The following FXN variants were observed in gnomAD, a reference collection of about 807,000 sequenced individuals.
The protein encoded by FXN is frataxin.
Under a neutral mutation model 22.4 loss-of-function variants are expected in FXN, and 14 were observed. The observed-to-expected ratio is 0.62, with a 90% CI of 0.41 to 0.98. FXN has a LOEUF of 0.98. FXN is among the 50% of genes least tolerant of loss of function. The pLI is 0.00. For missense variants in FXN, 267 were observed against 268.4 expected (o/e 0.99, Z 0.04); for synonymous variants, 120 against 114.1 (o/e 1.05, Z -0.33).
intron 3 of FXN, among the ~76,000 whole-genome samples, chr9:69,053,511 A>ATGGATGGATG (rs34724950): frequency 0.02 from 2,714 of 133,946 alleles, 35 homozygotes; most frequent in Middle Eastern, 0.032. Flanking sequence ...ATGGATGGAT[A>ATGGATGGATG]GATAGATAGA....
intron 1 of FXN, among the ~76,000 whole-genome samples, chr9:69,040,509 A>C (rs1831637877): frequency 6.6e-6 from 1 of 152,070 alleles, no homozygotes; most frequent in Non-Finnish European, 1.5e-5. Flanking sequence ...TCTACTAAAA[A>C]TACAAAAAAT....
In FXN at chr9:69,076,635, A is replaced by G; in HGVS notation, c.*3873A>G. On this transcript the variant is annotated 3_prime_UTR_variant, in exon 5 of 5. Transcript: ENST00000484259. ...TCTGACAGATGCTTTTGCCACCTCT[A>G]AAGGAAGACCCATGTTCATAGTGAT... The G allele has an allele frequency of 1.0e-6, 1 of 985,464 alleles. No individual in the cohort carries two copies. The highest frequency in any genetic ancestry group is 4.7e-5 in the South Asian group (1 of 21,294). The allele number at this position is 985,464 out of a possible 1,614,324, so 61.0% of individuals were successfully genotyped here. A position where few individuals can be genotyped will look rare whatever the true frequency, so the allele number is the denominator to read the frequency against.
At chr9:69,067,804 G>T (rs887400419) in intron 4 of FXN, among the ~76,000 whole-genome samples, 11 of 152,146 alleles carry the variant, frequency 7.2e-5, no homozygotes, top group Non-Finnish European at 1.2e-4. Context: ...TTCTGCTTCT[G>T]GTTTCAGAGG....
chr9:69,047,350 GACACACACAC>G (rs148756619), intron 2 of FXN, among the ~76,000 whole-genome samples: 13 of 144,174 alleles, frequency 9.0e-5, no homozygotes, highest in South Asian at 8.8e-4. Context: ...CACACACACA[GACACACACAC>G]ACACACACAC....
Position 69,064,930 on chromosome 9 carries a change from T to A in FXN, c.385-8T>A. The A allele has an allele frequency of 1.3e-6, 2 of 1,565,960 alleles. No homozygotes were observed. The highest frequency in any genetic ancestry group is 1.8e-6 in the Non-Finnish European group (2 of 1,136,022). On this transcript the variant is annotated splice_region_variant and splice_polypyrimidine_tract_variant and intron_variant, in intron 3 of 4. Coordinates refer to ENST00000484259, the MANE Select transcript of FXN (RefSeq NM_000144.5). ...TTCTTTATGCTTTTTTTCCACCTAA[T>A]CCCCTAGAGTGGTGTCTTAACTGTC... is the stretch of plus-strand genomic sequence containing the variant.
intron 1 of FXN, among the ~76,000 whole-genome samples, chr9:69,042,769 T>C (rs777329360): frequency 1.3e-5 from 2 of 152,126 alleles, no homozygotes; most frequent in African/African-American, 2.4e-5. Context: ...GGGGCCAGGA[T>C]CCTGGAGAGA....
chr9:69,076,707 T>A lies in FXN; in HGVS notation c.*3945T>A. Reference sequence around the variant, plus strand: ...TGCAAGGTTGCCAAGGAAAAATCGCTTTACGCTTCCAAGGTACACACTAAG... The same window carrying A: ...TGCAAGGTTGCCAAGGAAAAATCGCATTACGCTTCCAAGGTACACACTAAG... On this transcript the variant is annotated 3_prime_UTR_variant, in exon 5 of 5. Coordinates refer to ENST00000484259, the MANE Select transcript of FXN (RefSeq NM_000144.5). The A allele has an allele frequency of 1.0e-6, 1 of 985,458 alleles. No homozygotes were observed. The highest frequency in any genetic ancestry group is 1.2e-6 in the Non-Finnish European group (1 of 829,958). The allele number at this position is 985,458 out of a possible 1,614,324, so 61.0% of individuals were successfully genotyped here. A position where few individuals can be genotyped will look rare whatever the true frequency, so the allele number is the denominator to read the frequency against.
At chr9:69,058,886 G>A (rs1832012586) in intron 3 of FXN, among the ~76,000 whole-genome samples, 1 of 152,078 alleles carries the variant, frequency 6.6e-6, no homozygotes, top group Non-Finnish European at 1.5e-5. Flanking sequence ...GGCTAACACG[G>A]TGAAACCCTG....
Position 69,075,533 on chromosome 9 carries a change from C to G in FXN, c.*2771C>G. On this transcript the variant is annotated 3_prime_UTR_variant, in exon 5 of 5. Coordinates refer to ENST00000484259, the MANE Select transcript of FXN (RefSeq NM_000144.5). ...CCAGGGGAAGAATCAAAATCATATTCTGTCAAGCAAACTGGAAAAGTACCA... is the reference window on the plus strand; with the variant it reads ...CCAGGGGAAGAATCAAAATCATATTGTGTCAAGCAAACTGGAAAAGTACCA... 1.0e-6 allele frequency: 1 copy of G among 985,080 alleles called. No individual in the cohort carries two copies. The highest frequency in any genetic ancestry group is 1.2e-6 in the Non-Finnish European group (1 of 829,738). The allele number at this position is 985,080 out of a possible 1,614,324, so 61.0% of individuals were successfully genotyped here.
At chr9:69,057,927 G>A (rs1443161296) in intron 3 of FXN, among the ~76,000 whole-genome samples, 3 of 152,178 alleles carry the variant, frequency 2.0e-5, no homozygotes, top group African/African-American at 7.2e-5. Flanking sequence ...CAGGGACACT[G>A]TCCATTCTTT....
chr9:69,069,356 C>T (rs1043160198), intron 4 of FXN, among the ~76,000 whole-genome samples: 1 of 151,900 alleles, frequency 6.6e-6, no homozygotes, highest in African/African-American at 2.4e-5. Flanking sequence ...CAGAGTGAGA[C>T]TGTCTCAAAA....
intron 3 of FXN, among the ~76,000 whole-genome samples, chr9:69,053,507 G>GGATGGATGGATGGATGGATGGATGGATA (rs1191286626): frequency 2.0e-5 from 3 of 150,664 alleles, no homozygotes; most frequent in African/African-American, 7.4e-5. Flanking sequence ...ATGGATGGAT[G>GGATGGATGGATGGATGGATGGATGGATA]GATAGATAGA....
At chr9:69,052,838 G>A (rs1420637295) in intron 2 of FXN, among the ~76,000 whole-genome samples, 8 of 151,612 alleles carry the variant, frequency 5.3e-5, no homozygotes, top group Non-Finnish European at 1.2e-4. Flanking sequence ...TACCACGCCC[G>A]GCCTTTAAAT....
chr9:69,055,264 C>T lies in FXN; in HGVS notation c.384+2004C>T, dbSNP rs567533926. 1.2e-4 allele frequency among the ~76,000 whole-genome samples: 19 copies of T among 152,252 alleles called. No individual in the cohort carries two copies. The South Asian group carries it at 3.9e-3, about 32-fold the overall frequency. ...TGATCAGAGGTGGGGGAGTTAAGGG[C>T]CTTCTCTCCCCTAGCCTCTACTAGA... On this transcript the variant is annotated intron_variant, in intron 3 of 4. Transcript: ENST00000484259.
chr9:69,043,227 G>A (rs1220553155), intron 1 of FXN, among the ~76,000 whole-genome samples: 4 of 152,294 alleles, frequency 2.6e-5, no homozygotes, highest in Non-Finnish European at 2.9e-5. Context: ...CCTTTTCACA[G>A]TCTGATTAGT....
intron 3 of FXN, among the ~76,000 whole-genome samples, chr9:69,053,495 GGATGGATGGATGGATA>G (rs1219857839): frequency 1.7e-4 from 25 of 150,678 alleles, no homozygotes; most frequent in African/African-American, 5.6e-4. Context: ...ATGGATGGAT[GGATGGATGGATGGATA>G]GATAGATAGA....
chr9:69,059,338 G>GC (rs1220354960), intron 3 of FXN, among the ~76,000 whole-genome samples: 1 of 141,262 alleles, frequency 7.1e-6, no homozygotes, highest in Non-Finnish European at 1.5e-5. Context: ...AGTGTCTGCA[G>GC]CCCCCTGAGA....
At position 69,074,200 on chromosome 9, in the gene FXN, T is replaced by TAAA. The variant is rs3066311; in HGVS notation, c.*1439_*1440insAAA. 0.47 allele frequency: 416,605 copies of TAAA among 888,766 alleles called. 99,485 individuals are homozygous for TAAA. The highest frequency in any genetic ancestry group is 0.65 in the East Asian group (5,363 of 8,294). 55.1% of individuals were successfully genotyped at this position (888,766 alleles called of 1,614,324 possible). A position where few individuals can be genotyped will look rare whatever the true frequency, so the allele number is the denominator to read the frequency against. ...CTCTGTCTCAAAATAATAATAACAA[T>TAAA]ATAATAATAATAATAGCCATCCTTT... is the stretch of plus-strand genomic sequence containing the variant. On this transcript the variant is annotated 3_prime_UTR_variant, in exon 5 of 5. Transcript: ENST00000484259.
rs11310316 is a variant in FXN at position 69,076,217 on chromosome 9, G to GT, written c.*3469dup. ...TTGTAGACACTGACAGTGGCCTCAT[G>GT]TTTTTTTTTTTTTTAATCTATAAAA... On this transcript the variant is annotated 3_prime_UTR_variant, in exon 5 of 5. Coordinates refer to ENST00000484259, the MANE Select transcript of FXN (RefSeq NM_000144.5). The GT allele has an allele frequency of 2.5e-3, 2,095 of 829,962 alleles. No individual in the cohort carries two copies. Among genetic ancestry groups the GT allele is most frequent in the Middle Eastern group, 6.2e-3 (10 of 1,610 alleles). 51.4% of individuals were successfully genotyped at this position (829,962 alleles called of 1,614,324 possible).
Sources: allele counts gnomAD v4.1 joint callset (sites outside exome capture counted in the v4.1 genomes callset), GRCh38; gene constraint gnomAD v4.1.1; transcripts MANE v1.5; gene names NCBI Gene and HGNC (gene_info 2026-07-23, HGNC 2026-07-21).